DIAPH2: variants seen among roughly 807,000 people sequenced by gnomAD.
DIAPH2 encodes diaphanous related formin 2.
DIAPH2 carries 35 observed loss-of-function variants against 92.7 expected under a neutral mutation model. The ratio of observed to expected loss-of-function variants is 0.38; its 90% CI spans 0.29 to 0.50. The LOEUF is 0.50. DIAPH2 is among the 20% of genes least tolerant of loss of function. The pLI is 0.94. For synonymous variants in DIAPH2, 301 were observed against 280.4 expected, an observed-to-expected ratio of 1.07 and a Z score of -0.73; for missense variants, 701 against 819.5, an observed-to-expected ratio of 0.86 and a Z score of 1.77.
rs759314403 is a variant in DIAPH2 at position 96,804,036 on chromosome X, C to T, written c.447+45778C>T. ...CCTAGGTGACCGAAAAAAAAATTTC[C>T]TGTGCTTTCTACTTATCTGTACCCT... On this transcript the variant is annotated intron_variant, in intron 4 of 26. Transcript: ENST00000324765. Among the ~76,000 whole-genome samples the T allele has an allele frequency of 3.9e-4, 44 of 111,601 alleles. No homozygotes were observed. In the East Asian group the frequency reaches 0.011, roughly 27 times the overall value.
intron 4 of DIAPH2, among the ~76,000 whole-genome samples, chrX:96,850,864 A>C (rs2065002152): frequency 8.9e-6 from 1 of 112,127 alleles, no homozygotes; most frequent in African/African-American, 3.2e-5. Context: ...TGCTCGTTTA[A>C]ATAGCCATTG....
intron 25 of DIAPH2, among the ~76,000 whole-genome samples, chrX:97,422,991 C>T (rs761167082): frequency 2.0e-4 from 22 of 111,458 alleles, no homozygotes; most frequent in African/African-American, 4.6e-4. Context: ...ATGAGCTTCA[C>T]GTTCACATTG....
At chrX:97,404,131 G>A (rs977080091) in intron 25 of DIAPH2, among the ~76,000 whole-genome samples, 2 of 111,684 alleles carry the variant, frequency 1.8e-5, no homozygotes, top group South Asian at 3.8e-4. Flanking sequence ...GGGATTACAG[G>A]CATGAGCCAC....
intron 17 of DIAPH2, among the ~76,000 whole-genome samples, chrX:97,028,185 A>T (rs2147876286): frequency 9.0e-6 from 1 of 110,667 alleles, no homozygotes; most frequent in Non-Finnish European, 1.9e-5. Flanking sequence ...TGATTTTATT[A>T]TTTTCGTGGC....
At chrX:96,743,363 T>C (rs1377277210) in intron 3 of DIAPH2, among the ~76,000 whole-genome samples, 1 of 111,663 alleles carries the variant, frequency 9.0e-6, no homozygotes, top group Non-Finnish European at 1.9e-5. Context: ...AATTGCTGGA[T>C]CATATGGTAG....
chrX:97,203,157 A>T (rs1340128371), intron 22 of DIAPH2, among the ~76,000 whole-genome samples: 3 of 112,099 alleles, frequency 2.7e-5, no homozygotes, highest in African/African-American at 9.7e-5. Flanking sequence ...AATCTCTGGG[A>T]CACAGCTAAA....
chrX:97,559,947 A>G (rs2071282803), intron 26 of DIAPH2, among the ~76,000 whole-genome samples: 1 of 111,757 alleles, frequency 8.9e-6, no homozygotes, highest in African/African-American at 3.3e-5. Context: ...TAGAGGAGCT[A>G]TGTCCCTCTC....
Position 97,526,979 on chromosome X carries a change from G to C in DIAPH2, c.3242-72274G>C, listed in dbSNP as rs1292685279. On this transcript the variant is annotated intron_variant, in intron 26 of 26. Transcript: ENST00000324765. ...TCTACCCAATTCTCAGCTGCTCCTA[G>C]CCCCAACCCTGCAAATAACCATTGT... Among the ~76,000 whole-genome samples the C allele has an allele frequency of 5.4e-5, 6 of 111,267 alleles. No individual in the cohort carries two copies. The Admixed American group carries it at 5.8e-4, about 11-fold the overall frequency.
chrX:97,325,177 T>A (rs2068939299), intron 23 of DIAPH2, among the ~76,000 whole-genome samples: 1 of 112,239 alleles, frequency 8.9e-6, no homozygotes, highest in Non-Finnish European at 1.9e-5. Flanking sequence ...CCATTGTTAT[T>A]TGTGCACATG....
At chrX:96,737,078 A>G (rs2064092249) in intron 2 of DIAPH2, among the ~76,000 whole-genome samples, 1 of 112,211 alleles carries the variant, frequency 8.9e-6, no homozygotes, top group African/African-American at 3.2e-5. Context: ...GATGATTAGA[A>G]GAAATGAATC....
At chrX:96,843,207 T>C (rs1311836419) in intron 4 of DIAPH2, among the ~76,000 whole-genome samples, 1 of 111,497 alleles carries the variant, frequency 9.0e-6, no homozygotes, top group East Asian at 2.8e-4. Context: ...GCCTTACTCT[T>C]TCTCCATGTG....
chrX:96,977,690 CTT>C (rs1276239233), intron 17 of DIAPH2, among the ~76,000 whole-genome samples: 1 of 102,186 alleles, frequency 9.8e-6, no homozygotes, highest in Non-Finnish European at 2.0e-5. Context: ...AGTTTTTTTT[CTT>C]TTTTTTTTTT....
At chrX:97,528,780 A>G (rs1194832456) in intron 26 of DIAPH2, 1 of 111,686 alleles carries the variant, frequency 9.0e-6, no homozygotes, top group Non-Finnish European at 1.9e-5. Context: ...ACGGAAGGAT[A>G]TGTTGGAAGT....
At chrX:96,789,117 C>T (rs773170745) in intron 4 of DIAPH2, among the ~76,000 whole-genome samples, 46 of 112,022 alleles carry the variant, frequency 4.1e-4, no homozygotes, top group Non-Finnish European at 7.7e-4. Context: ...AAGATACAGG[C>T]GGAGTTTGGA....
At chrX:97,068,801 A>G (rs2066649774) in intron 17 of DIAPH2, among the ~76,000 whole-genome samples, 1 of 112,173 alleles carries the variant, frequency 8.9e-6, no homozygotes, top group South Asian at 3.7e-4. Context: ...TTATATGTAA[A>G]AGAACAATTG....
At chrX:97,006,631 A>C (rs1171419166) in intron 17 of DIAPH2, among the ~76,000 whole-genome samples, 1 of 111,138 alleles carries the variant, frequency 9.0e-6, no homozygotes, top group African/African-American at 3.3e-5. Flanking sequence ...TTTATTTTCT[A>C]TGTGTGTCTT....
chrX:97,298,839 C>T (rs1485184750), intron 23 of DIAPH2, among the ~76,000 whole-genome samples: 1 of 110,369 alleles, frequency 9.1e-6, no homozygotes, highest in African/African-American at 3.3e-5. Context: ...TGAATCGTCT[C>T]GATCTACTGA....
chrX:96,724,208 G>A (rs1452622192), intron 1 of DIAPH2, among the ~76,000 whole-genome samples: 2 of 110,982 alleles, frequency 1.8e-5, no homozygotes, highest in South Asian at 3.8e-4. Flanking sequence ...TTACAGGCGT[G>A]AGCCACCACG....
rs776947152 is a variant in DIAPH2, at chrX:97,527,228, G to A, written c.3242-72025G>A. Among the ~76,000 whole-genome samples the A allele has an allele frequency of 6.3e-4, 71 of 112,045 alleles. No individual in the cohort carries two copies. In the South Asian group the frequency reaches 0.024, roughly 39 times the overall value. ...TGTAACCCAAATACTTAACTGGGTCGTACATGAAAATTATTTTTAAGATTA... is the reference window on the plus strand; with the variant it reads ...TGTAACCCAAATACTTAACTGGGTCATACATGAAAATTATTTTTAAGATTA... On this transcript the variant is annotated intron_variant, in intron 26 of 26. Coordinates refer to ENST00000324765, the MANE Select transcript of DIAPH2 (RefSeq NM_006729.5).
Sources: gnomAD v4.1 joint callset for allele counts (sites outside exome capture counted in the v4.1 genomes callset) on GRCh38, gnomAD v4.1.1 for gene constraint, MANE v1.5 for transcripts, NCBI Gene and HGNC (gene_info 2026-07-23, HGNC 2026-07-21) for gene names.